FGD5: variants seen among roughly 807,000 people sequenced by gnomAD.
FGD5 encodes the protein FYVE, RhoGEF and PH domain containing 5.
Under a neutral mutation model 133.4 loss-of-function variants are expected in FGD5, and 28 were observed. That is an observed-to-expected ratio of 0.21 (90% CI 0.16 to 0.29). The LOEUF is 0.29. Among genes scored for constraint, FGD5 ranks in the 10% least tolerant of loss-of-function variants. The pLI is 1.00. For missense variants in FGD5, 1,858 were observed against 1,895.2 expected, an observed-to-expected ratio of 0.98 and a Z score of 0.36; for synonymous variants, 810 against 776.5, an observed-to-expected ratio of 1.04 and a Z score of -0.72.
In FGD5 at chr3:14,813,903, GAA is replaced by G. The variant is rs1458726549; in HGVS notation, c.13+3041_13+3042del. ...CAGATATTTAATTAAAATAGAGAGA[GAA>G]AATATAAACTGGTGCCAGGGGGCTG... On this transcript the variant is annotated intron_variant, in intron 1 of 1. Transcript: ENST00000640506. 7.2e-5 allele frequency among the ~76,000 whole-genome samples: 11 copies of G among 152,294 alleles called. No homozygotes were observed. The East Asian group carries it at 1.7e-3, about 24-fold the overall frequency.
In FGD5 at chr3:14,826,063, A is replaced by G. The variant is rs2036592255; in HGVS notation, c.2525+4467A>G. Among the ~76,000 whole-genome samples, 4 of 152,238 alleles carry G rather than the reference A, an allele frequency of 2.6e-5. No individual in the cohort carries two copies. The South Asian group carries it at 6.2e-4, about 24-fold the overall frequency. ...ATCTCATTTAAATCTTCATCATCAT[A>G]TGTTTGTGTTTTGCATGATAGCAGT... On this transcript the variant is annotated intron_variant, in intron 1 of 19. Transcript: ENST00000285046.
chr3:14,824,495 A>G (rs995884680), intron 1 of FGD5, among the ~76,000 whole-genome samples: 7 of 152,180 alleles, frequency 4.6e-5, no homozygotes, highest in Non-Finnish European at 7.3e-5. Context: ...AGAAGCCAAA[A>G]TAAATACCCA....
chr3:14,876,886 G>A (rs60423286), intron 2 of FGD5, among the ~76,000 whole-genome samples: 2,121 of 152,318 alleles, frequency 0.014, 60 homozygotes, highest in African/African-American at 0.048. Flanking sequence ...GTGACCCGCT[G>A]TCTAACACTG....
rs1487019875 is a variant in FGD5, at chr3:14,819,672, G to A, written c.601G>A (p.Gly201Arg). 1.9e-6 allele frequency: 3 copies of A among 1,546,022 alleles called. No homozygotes were observed. The South Asian group carries it at 3.6e-5, about 19-fold the overall frequency. Reference protein sequence around the residue: ...QSDLLLPHIHGEDQEPPDTPG... With the variant: ...QSDLLLPHIHREDQEPPDTPG... ...CGACCTCCTCCTGCCTCACATCCAT[G>A]GAGAGGACCAGGAGCCCCCCGACAC... The change falls in exon 1 of 20, where the codon GGA becomes AGA. Residue 201 changes from glycine to arginine, a missense_variant. Around this residue, in one of 3 missense-constraint regions of FGD5, gnomAD observed 1,824 missense variants for 1,848.9 expected, o/e 0.99. Transcript: ENST00000285046. The surrounding 1 kb of genome is among the most constrained non-coding windows in gnomAD (Gnocchi z 4.1).
chr3:14,898,865 G>C, intron 7 of FGD5, 39 bp downstream of exon 7: 1 of 1,532,518 alleles, frequency 6.5e-7, no homozygotes, highest in Non-Finnish European at 8.8e-7. Flanking sequence ...TGAGGCGGCA[G>C]GGCAGGGAAG....
chr3:14,898,637 C>T lies in FGD5; in HGVS notation c.3067-102C>T, dbSNP rs369220462. The T allele has an allele frequency of 1.0e-3, 957 of 919,758 alleles. 17 individuals are homozygous for T. The South Asian group carries it at 0.014, about 13-fold the overall frequency. 57.0% of individuals were successfully genotyped at this position (919,758 alleles called of 1,614,324 possible). A position where few individuals can be genotyped will look rare whatever the true frequency, so the allele number is the denominator to read the frequency against. On this transcript the variant is annotated intron_variant, in intron 6 of 19. Coordinates refer to ENST00000285046, the MANE Select transcript of FGD5 (RefSeq NM_152536.4). ...AGATGAGGGAGAAGTTCAGCTGGCC[C>T]GGGAAGAGGTGTGGATGGGACAGTG...
intron 1 of FGD5, among the ~76,000 whole-genome samples, chr3:14,860,128 C>CT (rs1203430022): frequency 6.6e-6 from 1 of 152,164 alleles, no homozygotes; most frequent in Non-Finnish European, 1.5e-5. Context: ...CGCCCAATGA[C>CT]AGGAGTGGGA....
At chr3:14,871,899 C>A (rs1359944967) in intron 2 of FGD5, among the ~76,000 whole-genome samples, 1 of 152,244 alleles carries the variant, frequency 6.6e-6, no homozygotes, top group Non-Finnish European at 1.5e-5. Flanking sequence ...CACTCTCTCT[C>A]GCTCTTCATG....
intron 1 of FGD5, among the ~76,000 whole-genome samples, chr3:14,838,848 A>G (rs2036865268): frequency 6.6e-6 from 1 of 152,172 alleles, no homozygotes; most frequent in Non-Finnish European, 1.5e-5. Context: ...CTCTCTCCCA[A>G]AACTATAGGG....
At chr3:14,839,756 C>T (rs916164971) in intron 1 of FGD5, among the ~76,000 whole-genome samples, 20 of 152,074 alleles carry the variant, frequency 1.3e-4, no homozygotes, top group Non-Finnish European at 2.5e-4. Context: ...CATGGTGAAA[C>T]CCAGTCTCTA....
intron 9 of FGD5, among the ~76,000 whole-genome samples, chr3:14,905,683 C>T (rs2038324952): frequency 6.6e-6 from 1 of 152,064 alleles, no homozygotes; most frequent in Non-Finnish European, 1.5e-5. Context: ...GTGGTGTTCA[C>T]CTTTCCCACC....
chr3:14,922,297 T>A lies in FGD5; in HGVS notation c.3670-114T>A. The stretch of plus-strand genomic sequence containing the variant: ...GAGAGGCCTTTCACATCAGACCCAC[T>A]CACCCACACATCACACACCCTGCAC... On this transcript the variant is annotated intron_variant, in intron 14 of 19. Coordinates refer to ENST00000285046, the MANE Select transcript of FGD5 (RefSeq NM_152536.4). The surrounding 1 kb of genome is among the most constrained non-coding windows in gnomAD (Gnocchi z 4.1). The A allele has an allele frequency of 6.9e-7, 1 of 1,439,848 alleles. No homozygotes were observed. The highest frequency in any genetic ancestry group is 1.3e-5 in the South Asian group (1 of 75,042). The allele number at this position is 1,439,848 out of a possible 1,614,324, so 89.2% of individuals were successfully genotyped here.
Position 14,821,586 on chromosome 3 carries a change from G to T in FGD5, c.2515G>T (p.Asp839Tyr), listed in dbSNP as rs1436688539. ...GAGCAAACAGCAGAGTGCAGACCAGGACGCAGAAAGGTACCTGACATTCTA... is the reference window on the plus strand; with the variant it reads ...GAGCAAACAGCAGAGTGCAGACCAGTACGCAGAAAGGTACCTGACATTCTA... ...FESKQQSADQDAESAYTEPYK... is the reference protein window; with the variant it reads ...FESKQQSADQYAESAYTEPYK... The change falls in exon 1 of 20, where the codon GAC becomes TAC. Residue 839 changes from aspartate (D) to tyrosine (Y), a missense_variant. Physicochemically the swap from Asp to Tyr is radical, Grantham distance 160 (BLOSUM62 -3). This residue lies in a region of FGD5 where 1,824 missense variants were observed against 1,848.9 expected (regional missense o/e 0.99). Transcript: ENST00000285046. The T allele has an allele frequency of 1.3e-6, 2 of 1,592,562 alleles. No homozygotes were observed. The highest frequency in any genetic ancestry group is 1.7e-6 in the Non-Finnish European group (2 of 1,167,220).
chr3:14,920,522 C>T (rs2038655737), intron 13 of FGD5: 1 of 152,156 alleles, frequency 6.6e-6, no homozygotes, highest in African/African-American at 2.4e-5. Flanking sequence ...ATTTATTAGC[C>T]ACACCTCAGT....
At chr3:14,834,618 C>A (rs943586553) in intron 1 of FGD5, among the ~76,000 whole-genome samples, 1 of 152,192 alleles carries the variant, frequency 6.6e-6, no homozygotes, top group Non-Finnish European at 1.5e-5. Flanking sequence ...TTGATAAGAG[C>A]TATCTGTCAG....
intron 6 of FGD5, 129 bp from the exon 7 acceptor site, chr3:14,898,610 G>T: frequency 1.4e-6 from 1 of 722,522 alleles, no homozygotes; most frequent in Non-Finnish European, 2.3e-6. Flanking sequence ...ACCTGGTTTT[G>T]GAGATGAGGG....
chr3:14,869,824 G>C (rs927466773), intron 2 of FGD5, among the ~76,000 whole-genome samples: 6 of 152,188 alleles, frequency 3.9e-5, no homozygotes, highest in Non-Finnish European at 7.3e-5. Context: ...ACTGTATTTT[G>C]TTTGCCCATT....
At chr3:14,923,467 C>T (rs960702824) in intron 16 of FGD5, 10 of 413,062 alleles carry the variant, frequency 2.4e-5, no homozygotes, top group Non-Finnish European at 4.5e-5. Context: ...CCATAGAGGC[C>T]CTCTTGTCAA....
intron 2 of FGD5, among the ~76,000 whole-genome samples, chr3:14,864,772 TG>T (rs2037462828): frequency 6.6e-6 from 1 of 152,070 alleles, no homozygotes; most frequent in South Asian, 2.1e-4. Flanking sequence ...GATGGTGAGT[TG>T]GGGGCCACGT....
Sources: allele counts gnomAD v4.1 joint callset (sites outside exome capture counted in the v4.1 genomes callset), GRCh38; gene constraint gnomAD v4.1.1; regional missense constraint gnomAD v4.1.1; non-coding constraint Gnocchi (gnomAD v3.1); transcripts MANE v1.5; gene names NCBI Gene and HGNC (gene_info 2026-07-23, HGNC 2026-07-21).